NLGN1: variants seen among roughly 807,000 people sequenced by gnomAD.
The protein encoded by NLGN1 is neuroligin 1.
Under a neutral mutation model 65.5 loss-of-function variants are expected in NLGN1, and 12 were observed. The observed-to-expected ratio is 0.18, with a 90% CI of 0.12 to 0.30. NLGN1 has a LOEUF of 0.30. Among genes scored for constraint, NLGN1 ranks in the 10% least tolerant of loss-of-function variants. The pLI is 1.00. For synonymous variants in NLGN1, 350 were observed against 359.5 expected, an observed-to-expected ratio of 0.97 and a Z score of 0.30; for missense variants, 750 against 1,007.1, an observed-to-expected ratio of 0.74 and a Z score of 3.46.
chr3:173,794,875 A>G (rs1204651031), intron 3 of NLGN1, among the ~76,000 whole-genome samples: 2 of 152,126 alleles, frequency 1.3e-5, no homozygotes, highest in South Asian at 2.1e-4. Flanking sequence ...GTGAAAAACT[A>G]TTTTTTAAAT....
At chr3:173,808,731 A>G (rs964347043) in intron 4 of NLGN1, among the ~76,000 whole-genome samples, 3 of 152,176 alleles carry the variant, frequency 2.0e-5, no homozygotes, top group African/African-American at 7.2e-5. Context: ...GTCTTATCCC[A>G]TACTATAGAC....
chr3:173,596,655 C>CATA (rs10700473), intron 2 of NLGN1, among the ~76,000 whole-genome samples: 133,806 of 151,948 alleles, frequency 0.88, 58,983 homozygotes, highest in East Asian at 0.93. Flanking sequence ...ATGCTCATGG[C>CATA]AGAGTAAACT....
At chr3:173,858,762 A>C (rs1728506358) in intron 4 of NLGN1, among the ~76,000 whole-genome samples, 2 of 152,080 alleles carry the variant, frequency 1.3e-5, no homozygotes, top group Non-Finnish European at 2.9e-5. Flanking sequence ...TGCCTTATTC[A>C]TCTTTGACCT....
intron 3 of NLGN1, among the ~76,000 whole-genome samples, chr3:173,681,596 A>G (rs920516382): frequency 1.3e-5 from 2 of 152,104 alleles, no homozygotes; most frequent in Admixed American, 6.5e-5. Context: ...TCTTCCTGGT[A>G]CTGTTTTTAT....
chr3:173,694,252 A>G (rs1765876401), intron 3 of NLGN1, among the ~76,000 whole-genome samples: 2 of 152,138 alleles, frequency 1.3e-5, no homozygotes, highest in Middle Eastern at 6.3e-3. Flanking sequence ...TAAGTCAGTG[A>G]TGCACTCTGA....
intron 4 of NLGN1, among the ~76,000 whole-genome samples, chr3:173,995,518 G>GAT: frequency 1.3e-5 from 2 of 152,214 alleles, no homozygotes; most frequent in Middle Eastern, 3.4e-3. Context: ...TGTCAAGATG[G>GAT]TATCCCACTG....
At chr3:174,164,268 C>T (rs1654075928) in intron 4 of NLGN1, among the ~76,000 whole-genome samples, 1 of 151,830 alleles carries the variant, frequency 6.6e-6, no homozygotes, top group Admixed American at 6.6e-5. Context: ...TGTCTTTTGC[C>T]CATTTTTTAA....
chr3:174,109,248 C>T (rs985865657), intron 4 of NLGN1, among the ~76,000 whole-genome samples: 5 of 151,832 alleles, frequency 3.3e-5, no homozygotes, highest in African/African-American at 1.2e-4. Flanking sequence ...GTGATTTCTC[C>T]TTTTGAGATA....
chr3:173,548,106 A>G (rs1560420132), intron 2 of NLGN1, among the ~76,000 whole-genome samples: 1 of 152,002 alleles, frequency 6.6e-6, no homozygotes, highest in Non-Finnish European at 1.5e-5. Flanking sequence ...GATTGTCTCT[A>G]TTTTACTTGT....
chr3:174,155,449 C>A (rs995286982), intron 4 of NLGN1, among the ~76,000 whole-genome samples: 1 of 151,782 alleles, frequency 6.6e-6, no homozygotes. Context: ...AGCTACAGAC[C>A]ATTTGTCAGG....
At chr3:173,671,086 T>G (rs1000566829) in intron 3 of NLGN1, among the ~76,000 whole-genome samples, 1 of 152,202 alleles carries the variant, frequency 6.6e-6, no homozygotes, top group Non-Finnish European at 1.5e-5. Context: ...ATATATACTA[T>G]TCACTCTTAA....
At position 173,739,827 on chromosome 3, in the gene NLGN1, C is replaced by T. The variant is rs141698199; in HGVS notation, c.494-67853C>T. On this transcript the variant is annotated intron_variant, in intron 3 of 6. Coordinates refer to ENST00000457714, the Ensembl canonical transcript of NLGN1. Reference sequence around the variant, plus strand: ...GTTAACAAAACAAAGGTTGTAAATGCGCTTCTACTTTGCATGGCAAGATAA... The same window carrying T: ...GTTAACAAAACAAAGGTTGTAAATGTGCTTCTACTTTGCATGGCAAGATAA... Among the ~76,000 whole-genome samples the T allele has an allele frequency of 5.1e-3, 771 of 152,126 alleles. 6 individuals carry two copies. Among genetic ancestry groups the T allele is most frequent in the African/African-American group, 0.017 (726 of 41,532 alleles).
chr3:174,016,220 A>G (rs912352773), intron 4 of NLGN1, among the ~76,000 whole-genome samples: 21 of 152,166 alleles, frequency 1.4e-4, no homozygotes, highest in Non-Finnish European at 2.1e-4. Context: ...AAGCCTAGAA[A>G]TGTCTGTTTG....
intron 4 of NLGN1, among the ~76,000 whole-genome samples, chr3:174,024,603 G>GA (rs1179918912): frequency 6.6e-6 from 1 of 152,052 alleles, no homozygotes; most frequent in Non-Finnish European, 1.5e-5. Context: ...AGGCATTTCT[G>GA]AAAAGAATAA....
In NLGN1 at chr3:173,522,339, T is replaced by C. The variant is rs1734896947; in HGVS notation, c.-320-81940T>C. Among the ~76,000 whole-genome samples, 3 of 152,246 alleles carry C rather than the reference T, an allele frequency of 2.0e-5. No homozygotes were observed. The South Asian group carries it at 6.2e-4, about 31-fold the overall frequency. On this transcript the variant is annotated intron_variant, in intron 2 of 6. Transcript: ENST00000457714. ...CATGGTGTATCCATACCACATTTTGTTTATCCAGTCCACCACTGATGGACA... is the reference window on the plus strand; with the variant it reads ...CATGGTGTATCCATACCACATTTTGCTTATCCAGTCCACCACTGATGGACA...
chr3:174,245,226 A>T (rs970156916), intron 4 of NLGN1, among the ~76,000 whole-genome samples: 52 of 152,220 alleles, frequency 3.4e-4, no homozygotes, highest in African/African-American at 4.3e-4. Flanking sequence ...TATTTTTTTT[A>T]AAAGTGGCAT....
intron 4 of NLGN1, among the ~76,000 whole-genome samples, chr3:173,981,353 G>A (rs186911644): frequency 6.6e-6 from 1 of 152,224 alleles, no homozygotes; most frequent in Non-Finnish European, 1.5e-5. Context: ...TATTTGGGTG[G>A]TTTCACAGCA....
intron 3 of NLGN1, among the ~76,000 whole-genome samples, chr3:173,671,955 A>C (rs2071271536): frequency 6.6e-6 from 1 of 151,878 alleles, no homozygotes; most frequent in African/African-American, 2.4e-5. Context: ...TGGGTGGATC[A>C]CGAGGTCAGG....
chr3:173,579,834 G>T (rs1174249494), intron 2 of NLGN1, among the ~76,000 whole-genome samples: 9 of 152,030 alleles, frequency 5.9e-5, no homozygotes, highest in African/African-American at 2.4e-5. Context: ...TTAATATGAG[G>T]TTACATCAGG....
Sources: allele counts gnomAD v4.1 joint callset (sites outside exome capture counted in the v4.1 genomes callset), GRCh38; gene constraint gnomAD v4.1.1; transcripts MANE v1.5; gene names NCBI Gene and HGNC (gene_info 2026-07-23, HGNC 2026-07-21).